Variants in RP1L1 observed in about 807,000 individuals in gnomAD.
RP1L1 encodes RP1 like 1.
A neutral mutation model predicts 15.7 loss-of-function variants in RP1L1; 27 were observed. The observed-to-expected ratio is 1.72, with a 90% CI of 1.27 to 2.38. RP1L1 has a LOEUF of 2.38. RP1L1 is among the 30% of genes most tolerant of loss of function. The probability of loss-of-function intolerance (pLI) is 0.00; values close to 1 mark genes in which losing one functional copy is unlikely to be tolerated. For synonymous variants in RP1L1, 1,813 were observed against 1,276.7 expected (o/e 1.42, Z -8.96); for missense variants, 4,798 against 3,075.9 (o/e 1.56, Z -13.24).
rs1229179750 is a variant in RP1L1, at chr8:10,610,466, C to A, written c.3632G>T (p.Gly1211Val). The A allele has an allele frequency of 3.1e-6, 5 of 1,613,654 alleles. No individual in the cohort carries two copies. The highest frequency in any genetic ancestry group is 1.7e-5 in the Admixed American group (1 of 60,010). ...VDISSGSGGS[G>V]ESSVPCAMDG... is the part of the protein sequence containing the mutation. ...CATGGCACAGGGTACGCTACTCTCC[C>A]CTGAGCCTCCAGAGCCGCTGCTGAT... The change falls in exon 4 of 4, where the codon GGG (glycine) becomes GTG (valine). Residue 1211 changes from glycine to valine, a missense_variant. By Grantham distance (109) the Gly-to-Val change is moderately radical. Coordinates refer to ENST00000382483, the MANE Select transcript of RP1L1 (RefSeq NM_178857.6).
At chr8:10,641,865 C>A (rs1798412219) in intron 1 of RP1L1, among the ~76,000 whole-genome samples, 1 of 152,080 alleles carries the variant, frequency 6.6e-6, no homozygotes, top group Non-Finnish European at 1.5e-5. Context: ...AAAATTGAAC[C>A]CAAATATTCT....
At position 10,611,510 on chromosome 8, in the gene RP1L1, G is replaced by C. The variant is rs752407355; in HGVS notation, c.2588C>G (p.Pro863Arg). 1 of 1,578,538 alleles carries C rather than the reference G, an allele frequency of 6.3e-7. No individual in the cohort carries two copies. Among genetic ancestry groups the C allele is most frequent in the Non-Finnish European group, 8.6e-7 (1 of 1,164,016 alleles). Residue 863 changes from proline (P) to arginine (R), a missense_variant, in exon 4 of 4, where the codon CCC (proline) becomes CGC (arginine). By Grantham distance (103) the Pro-to-Arg change is moderately radical. Transcript: ENST00000382483. ...CPTPPRGRPC[P>R]QRRSSSCGST... ...CCCACAGCTGGAAGAGCGCCTCTGGGGGCAGGGCCGCCCCCTGGGCGGGGT... is the reference window on the plus strand; with the variant it reads ...CCCACAGCTGGAAGAGCGCCTCTGGCGGCAGGGCCGCCCCCTGGGCGGGGT...
At position 10,607,178 on chromosome 8, in the gene RP1L1, C is replaced by G; in HGVS notation, c.6920G>C (p.Gly2307Ala). 5 of 1,614,214 alleles carry G rather than the reference C, an allele frequency of 3.1e-6. No individual in the cohort carries two copies. The highest frequency in any genetic ancestry group is 4.2e-6 in the Non-Finnish European group (5 of 1,180,040). ...GPSSSRASSW[G>A]NCWQKDSEND... ...TTCTGAGTCTTTCTGCCAGCAGTTG[C>G]CCCAAGAGGATGCTCTGGAGGAGGA... is the stretch of plus-strand genomic sequence containing the variant. Residue 2307 changes from glycine (G) to alanine (A), a missense_variant, in exon 4 of 4, where the codon GGC becomes GCC. Coordinates refer to ENST00000382483, the MANE Select transcript of RP1L1 (RefSeq NM_178857.6).
chr8:10,611,791 C>G lies in RP1L1; in HGVS notation c.2307G>C (p.Arg769Ser). The change falls in exon 4 of 4, where the codon AGG becomes AGC. Residue 769 changes from arginine to serine, a missense_variant. Coordinates refer to ENST00000382483, the MANE Select transcript of RP1L1 (RefSeq NM_178857.6). ...SAGWAGDAGS[R>S]TCSPAPIPPH... is the part of the protein sequence containing the mutation. ...GAGGTATGGGGGCCGGCGAGCATGT[C>G]CTGGACCCCGCGTCCCCTGCCCACC... 6.2e-7 allele frequency: 1 copy of G among 1,613,640 alleles called. No homozygotes were observed. Among genetic ancestry groups the G allele is most frequent in the East Asian group, 2.2e-5 (1 of 44,878 alleles).
At chr8:10,633,381 C>G (rs1585991400) in intron 1 of RP1L1, among the ~76,000 whole-genome samples, 1 of 152,166 alleles carries the variant, frequency 6.6e-6, no homozygotes, top group Non-Finnish European at 1.5e-5. Flanking sequence ...ACCCTTAGTT[C>G]AAAGGACAAA....
chr8:10,648,024 T>C (rs1287764868), intron 1 of RP1L1, among the ~76,000 whole-genome samples: 3 of 151,486 alleles, frequency 2.0e-5, no homozygotes, highest in Non-Finnish European at 4.4e-5. Context: ...CTGGTTTCTC[T>C]CTCTCTCTCT....
At chr8:10,613,693 C>A (rs1016356846) in intron 3 of RP1L1, among the ~76,000 whole-genome samples, 8 of 151,356 alleles carry the variant, frequency 5.3e-5, no homozygotes, top group Non-Finnish European at 1.2e-4. Context: ...ACTCGGAAGG[C>A]TGAGGCAGGA....
At chr8:10,619,937 G>A (rs970456268) in intron 2 of RP1L1, among the ~76,000 whole-genome samples, 7 of 147,046 alleles carry the variant, frequency 4.8e-5, no homozygotes, top group African/African-American at 1.8e-4. Context: ...CTCCACCATG[G>A]GTGACAGAGG....
intron 1 of RP1L1, 108 bp from the exon 2 acceptor site, chr8:10,623,328 C>T: frequency 1.2e-6 from 1 of 813,792 alleles, no homozygotes; most frequent in East Asian, 2.6e-5. Flanking sequence ...AAATGTGCTC[C>T]ACTCCACTAT....
chr8:10,609,329 G>A lies in RP1L1; in HGVS notation c.4769C>T (p.Pro1590Leu), dbSNP rs372867998. ...QGRAGRMVLE[P>L]PREALTGELL... ...CTCCCCGGTGAGGGCCTCCCTTGGA[G>A]GCTCCAGCACCATCCTACCCGCCCG... Residue 1590 changes from proline (P) to leucine (L), a missense_variant, in exon 4 of 4, where the codon CCT becomes CTT. Coordinates refer to ENST00000382483, the MANE Select transcript of RP1L1 (RefSeq NM_178857.6). 53 of 1,612,060 alleles carry A rather than the reference G, an allele frequency of 3.3e-5. No homozygotes were observed. In the East Asian group the frequency reaches 1.0e-3, roughly 31 times the overall value.
intron 1 of RP1L1, among the ~76,000 whole-genome samples, chr8:10,631,322 C>CACAT (rs1491336735): frequency 1.4e-5 from 1 of 72,694 alleles, no homozygotes; most frequent in African/African-American, 3.3e-5. Context: ...CACGCACACA[C>CACAT]GCACACACAC....
intron 2 of RP1L1, among the ~76,000 whole-genome samples, chr8:10,618,373 T>A (rs1798004700): frequency 6.6e-6 from 1 of 152,084 alleles, no homozygotes; most frequent in Non-Finnish European, 1.5e-5. Flanking sequence ...TTGAGCGTGG[T>A]GGTAGACGCC....
rs1191516931 is a variant in RP1L1, at chr8:10,613,243, C to A, written c.855G>T (p.Val285=). 6.2e-7 allele frequency: 1 copy of A among 1,612,480 alleles called. No homozygotes were observed. Among genetic ancestry groups the A allele is most frequent in the South Asian group, 1.1e-5 (1 of 91,084 alleles). Residue 285 remains valine (V), a synonymous_variant, in exon 4 of 4, where the codon GTG becomes GTT. Coordinates refer to ENST00000382483, the MANE Select transcript of RP1L1 (RefSeq NM_178857.6). The stretch of plus-strand genomic sequence containing the variant: ...GAGGGTGCCTGCCAGGAGCAGGGCC[C>A]ACCGGGGGGTTGCTAGGACCAGGCC... ...PERPGPSNPP[V]GPAPGRHPQD... is the part of the protein sequence containing the mutation.
intron 1 of RP1L1, 34 bp from the exon 2 acceptor site, chr8:10,623,254 C>A (rs1798101864): frequency 6.7e-7 from 1 of 1,482,236 alleles, no homozygotes; most frequent in Non-Finnish European, 9.0e-7. Context: ...GGTCAGAGAG[C>A]AGCTTGGGGG....
At position 10,612,499 on chromosome 8, in the gene RP1L1, C is replaced by T. The variant is rs201785951; in HGVS notation, c.1599G>A (p.Ser533=). 988 of 1,612,314 alleles carry T rather than the reference C, an allele frequency of 6.1e-4. 7 individuals are homozygous for T. Among genetic ancestry groups the T allele is most frequent in the Admixed American group, 2.2e-4 (13 of 60,018 alleles). The change falls in exon 4 of 4, where the codon TCG becomes TCA. Residue 533 remains serine, a synonymous_variant. Coordinates refer to ENST00000382483, the MANE Select transcript of RP1L1 (RefSeq NM_178857.6). ...PRARSEEGAS[S]DSSASTGSHE... ...GAGAGCCGGTGCTGGCTGACGAGTC[C>T]GAAGAAGCCCCCTCCTCACTCCGGG...
intron 1 of RP1L1, among the ~76,000 whole-genome samples, chr8:10,650,003 G>C (rs1586005756): frequency 6.6e-6 from 1 of 152,180 alleles, no homozygotes; most frequent in African/African-American, 2.4e-5. Flanking sequence ...CAATTATGCA[G>C]TTCCATTTCC....
At position 10,612,117 on chromosome 8, in the gene RP1L1, G is replaced by A. The variant is rs755394906; in HGVS notation, c.1981C>T (p.Pro661Ser). The change falls in exon 4 of 4, where the codon CCG (proline) becomes TCG (serine). Residue 661 changes from proline (P) to serine (S), a missense_variant. Pro to Ser is a moderately conservative substitution (Grantham distance 74). Transcript: ENST00000382483. ...PSSPGLGRVA[P>S]RGHPRHSHYR... ...TGAGAATGCCTGGGATGGCCTCTCG[G>A]GGCCACTCGGCCAAGGCCAGGGCTG... The A allele has an allele frequency of 1.9e-6, 3 of 1,613,596 alleles. No individual in the cohort carries two copies. Among genetic ancestry groups the A allele is most frequent in the Non-Finnish European group, 2.5e-6 (3 of 1,180,026 alleles).
At position 10,607,257 on chromosome 8, in the gene RP1L1, G is replaced by T. The variant is rs759060554; in HGVS notation, c.6841C>A (p.Pro2281Thr). Residue 2281 changes from proline (P) to threonine (T), a missense_variant, in exon 4 of 4, where the codon CCT becomes ACT. Pro to Thr is a conservative substitution (Grantham distance 38). Transcript: ENST00000382483. ...TGGGGAGTGTCTCCACCTGGGGAAGGGGGTGGAGTGGGCCTGTCCTCAGGG... is the reference window on the plus strand; with the variant it reads ...TGGGGAGTGTCTCCACCTGGGGAAGTGGGTGGAGTGGGCCTGTCCTCAGGG... The part of the protein sequence containing the change: ...PVPEDRPTPP[P>T]SPGGDTPHQR... 6.2e-7 allele frequency: 1 copy of T among 1,614,164 alleles called. No homozygotes were observed. Among genetic ancestry groups the T allele is most frequent in the East Asian group, 2.2e-5 (1 of 44,884 alleles).
chr8:10,624,133 C>A (rs1024959526), intron 1 of RP1L1, among the ~76,000 whole-genome samples: 1 of 152,216 alleles, frequency 6.6e-6, no homozygotes, highest in African/African-American at 2.4e-5. Flanking sequence ...GAGGCATCAC[C>A]TTCCAGTCCT....
Sources: gnomAD v4.1 joint callset for allele counts (sites outside exome capture counted in the v4.1 genomes callset) on GRCh38, gnomAD v4.1.1 for gene constraint, MANE v1.5 for transcripts, NCBI Gene and HGNC (gene_info 2026-07-23, HGNC 2026-07-21) for gene names.